The following RSRC1 variants were observed in gnomAD, a reference collection of about 807,000 sequenced individuals.
RSRC1 encodes serine/Arginine-related protein 53.
RSRC1 carries 39 observed loss-of-function variants against 49.1 expected under a neutral mutation model. The observed-to-expected ratio is 0.79, with a 90% CI of 0.61 to 1.04. The LOEUF is 1.04. Among genes scored for constraint, RSRC1 ranks in the 50% least tolerant of loss-of-function variants. The pLI is 0.00. For missense variants in RSRC1, 388 were observed against 402.4 expected, an observed-to-expected ratio of 0.96 and a Z score of 0.31; for synonymous variants, 143 against 130.8, an observed-to-expected ratio of 1.09 and a Z score of -0.63.
intron 3 of RSRC1, among the ~76,000 whole-genome samples, chr3:158,167,461 G>T (rs1414447060): frequency 6.6e-6 from 1 of 152,212 alleles, no homozygotes. Context: ...AAAGGGCTGG[G>T]ATTACAGGCG....
chr3:158,290,422 G>A (rs1007458771), intron 4 of RSRC1, among the ~76,000 whole-genome samples: 9 of 151,986 alleles, frequency 5.9e-5, no homozygotes, highest in South Asian at 2.1e-4. Context: ...ACAGGCGCCC[G>A]CCACCACGCC....
chr3:158,130,805 T>C (rs1715970397), intron 3 of RSRC1, among the ~76,000 whole-genome samples: 2 of 152,220 alleles, frequency 1.3e-5, no homozygotes, highest in Non-Finnish European at 2.9e-5. Context: ...ATGTTGTATA[T>C]GTTTTGTACC....
intron 4 of RSRC1, among the ~76,000 whole-genome samples, chr3:158,235,789 A>G (rs780895779): frequency 6.6e-6 from 1 of 152,212 alleles, no homozygotes; most frequent in Non-Finnish European, 1.5e-5. Context: ...TGCAAAAAGT[A>G]TAAATAGAAC....
intron 3 of RSRC1, among the ~76,000 whole-genome samples, chr3:158,144,979 G>A (rs541274498): frequency 4.6e-5 from 7 of 151,948 alleles, no homozygotes; most frequent in Admixed American, 4.6e-4. Flanking sequence ...TGTTGATGGG[G>A]TTGTTTTTTT....
chr3:158,310,173 A>G (rs1728052148), intron 5 of RSRC1, among the ~76,000 whole-genome samples: 1 of 151,580 alleles, frequency 6.6e-6, no homozygotes, highest in Admixed American at 6.6e-5. Context: ...TTATATAAAT[A>G]CCTTACTTAA....
chr3:158,253,752 G>A (rs1033650683), intron 4 of RSRC1, among the ~76,000 whole-genome samples: 2 of 151,766 alleles, frequency 1.3e-5, no homozygotes, highest in East Asian at 1.9e-4. Context: ...CCATTGGTTG[G>A]TATATATTTA....
At chr3:158,230,397 G>C (rs957712446) in intron 4 of RSRC1, among the ~76,000 whole-genome samples, 3 of 152,062 alleles carry the variant, frequency 2.0e-5, no homozygotes, top group African/African-American at 7.2e-5. Context: ...AATTTTTATA[G>C]TGGTAATATT....
At chr3:158,464,212 T>G (rs1294869210) in intron 7 of RSRC1, among the ~76,000 whole-genome samples, 2 of 152,138 alleles carry the variant, frequency 1.3e-5, no homozygotes, top group African/African-American at 4.8e-5. Flanking sequence ...CTCTCTATTA[T>G]TGAATGCATT....
intron 6 of RSRC1, among the ~76,000 whole-genome samples, chr3:158,437,334 T>C (rs761027776): frequency 1.3e-5 from 2 of 152,118 alleles, no homozygotes; most frequent in South Asian, 2.1e-4. Context: ...ATGGTTAATT[T>C]AGTAAGCACA....
chr3:158,297,489 T>G (rs1727297935), intron 4 of RSRC1, among the ~76,000 whole-genome samples: 1 of 152,002 alleles, frequency 6.6e-6, no homozygotes, highest in Admixed American at 6.6e-5. Context: ...GTGCATTAAA[T>G]TCATAAAATT....
intron 4 of RSRC1, among the ~76,000 whole-genome samples, chr3:158,215,064 G>C (rs530061855): frequency 1.3e-5 from 2 of 151,660 alleles, no homozygotes; most frequent in African/African-American, 4.8e-5. Context: ...TAGCGCTTTT[G>C]TTTGGTTTTA....
chr3:158,227,236 T>A (rs897622610), intron 4 of RSRC1, among the ~76,000 whole-genome samples: 7 of 151,956 alleles, frequency 4.6e-5, no homozygotes, highest in Non-Finnish European at 1.0e-4. Context: ...TGTGTCCTAG[T>A]CCAAGCTCCA....
chr3:158,179,031 A>G (rs920847597), intron 3 of RSRC1, among the ~76,000 whole-genome samples: 2 of 152,152 alleles, frequency 1.3e-5, no homozygotes, highest in Non-Finnish European at 1.5e-5. Context: ...GTTTGGGTCA[A>G]TGTTATCAAT....
rs184749033 is a variant in RSRC1, at chr3:158,516,775, C to A, written c.653-20317C>A. On this transcript the variant is annotated intron_variant, in intron 7 of 9. Transcript: ENST00000611884. ...TCCGTGGGCGTAGGGCCCTCCGAGC[C>A]AGGTGCGGGATATAATCTCCTGGTG... Among the ~76,000 whole-genome samples the A allele has an allele frequency of 2.6e-4, 40 of 152,364 alleles. No homozygotes were observed. The East Asian group carries it at 4.2e-3, about 16-fold the overall frequency.
intron 4 of RSRC1, among the ~76,000 whole-genome samples, chr3:158,281,572 G>A (rs1726171251): frequency 6.6e-6 from 1 of 152,128 alleles, no homozygotes; most frequent in Non-Finnish European, 1.5e-5. Context: ...GAGACTTGAA[G>A]AGCCATTTTT....
At chr3:158,140,918 A>G (rs1441405165) in intron 3 of RSRC1, among the ~76,000 whole-genome samples, 1 of 152,202 alleles carries the variant, frequency 6.6e-6, no homozygotes, top group African/African-American at 2.4e-5. Flanking sequence ...ACTCTCCTGT[A>G]ATCAAGCTTG....
intron 5 of RSRC1, among the ~76,000 whole-genome samples, chr3:158,351,685 G>A (rs980120353): frequency 6.6e-6 from 1 of 151,718 alleles, no homozygotes; most frequent in Admixed American, 6.6e-5. Context: ...TAGTGATTTA[G>A]TTAGAATGAT....
rs571256216 is a variant in RSRC1 at position 158,148,754 on chromosome 3, A to G, written c.320+24763A>G. Among the ~76,000 whole-genome samples, 3 of 152,106 alleles carry G rather than the reference A, an allele frequency of 2.0e-5. No homozygotes were observed. In the East Asian group the frequency reaches 5.8e-4, roughly 29 times the overall value. Reference sequence around the variant, plus strand: ...TAGTTCTGCAGAACTGGATTGCCTCAGCTACTTTATACATTTGTATACGAA... The same window carrying G: ...TAGTTCTGCAGAACTGGATTGCCTCGGCTACTTTATACATTTGTATACGAA... On this transcript the variant is annotated intron_variant, in intron 3 of 9. Transcript: ENST00000611884.
chr3:158,425,677 G>T (rs993519886), intron 6 of RSRC1, among the ~76,000 whole-genome samples: 2 of 151,984 alleles, frequency 1.3e-5, no homozygotes, highest in African/African-American at 2.4e-5. Context: ...AATGTTGACA[G>T]TGGGGTGTTA....
Sources: gnomAD v4.1 joint callset for allele counts (sites outside exome capture counted in the v4.1 genomes callset) on GRCh38, gnomAD v4.1.1 for gene constraint, MANE v1.5 for transcripts, NCBI Gene and HGNC (gene_info 2026-07-23, HGNC 2026-07-21) for gene names.